Variants in B4GALNT2 observed in about 807,000 individuals in gnomAD.
The protein encoded by B4GALNT2 is N-acetylneuraminylgalactosylglucosyl-glucoside beta-1,4-N- acetylgalactosaminyltransferase 2.
B4GALNT2 carries 42 observed loss-of-function variants against 51.1 expected under a neutral mutation model. The observed-to-expected ratio is 0.82, with a 90% CI of 0.64 to 1.06. The LOEUF (loss-of-function observed/expected upper bound fraction) is 1.06. B4GALNT2 is among the 50% of genes least tolerant of loss of function. B4GALNT2 has a pLI of 0.00. For synonymous variants in B4GALNT2, 253 were observed against 251.7 expected (o/e 1.01, Z -0.05); for missense variants, 602 against 633.6 (o/e 0.95, Z 0.54).
In B4GALNT2 at chr17:49,166,141, A is replaced by G. The variant is rs760918438; in HGVS notation, c.982A>G (p.Ile328Val). The G allele has an allele frequency of 1.2e-6, 2 of 1,614,154 alleles. No individual in the cohort carries two copies. The highest frequency in any genetic ancestry group is 1.7e-6 in the Non-Finnish European group (2 of 1,179,986). ...KGWFAGRNLA[I>V]SQVTTKYVLW... Reference sequence around the variant, plus strand: ...TTGGTTTGCTGGTAGGAACCTGGCCATATCTCAGGTCACCACCAAATACGT... The same window carrying G: ...TTGGTTTGCTGGTAGGAACCTGGCCGTATCTCAGGTCACCACCAAATACGT... Residue 328 changes from isoleucine to valine, a missense_variant, in exon 9 of 11, where the codon ATA becomes GTA. By Grantham distance (29) the Ile-to-Val change is conservative. Coordinates refer to ENST00000393354, the MANE Select transcript of B4GALNT2 (RefSeq NM_001159387.2).
chr17:49,130,713 T>C (rs1211172549), upstream of B4GALNT2, among the ~76,000 whole-genome samples: 1 of 152,208 alleles, frequency 6.6e-6, no homozygotes, highest in Non-Finnish European at 1.5e-5. Context: ...CTTCTTATTG[T>C]TGCAGAAACC....
Position 49,171,350 on chromosome 17 carries a change from G to C in B4GALNT2, c.*1622G>C. 1.2e-5 allele frequency: 5 copies of C among 424,240 alleles called. No individual in the cohort carries two copies. The highest frequency in any genetic ancestry group is 8.6e-5 in the South Asian group (5 of 58,404). The allele number at this position is 424,240 out of a possible 1,614,324, so 26.3% of individuals were successfully genotyped here. A position where few individuals can be genotyped will look rare whatever the true frequency, so the allele number is the denominator to read the frequency against. ...TTAATGGGTTAATATCTGCTAATCT[G>C]TCTGCAGCTCCTTCAAGCACTCCAG... On this transcript the variant is annotated 3_prime_UTR_variant, in exon 11 of 11. Coordinates refer to ENST00000393354, the MANE Select transcript of B4GALNT2 (RefSeq NM_001159387.2).
chr17:49,136,098 G>GA (rs1438758379), intron 1 of B4GALNT2, among the ~76,000 whole-genome samples: 1 of 135,028 alleles, frequency 7.4e-6, no homozygotes, highest in Non-Finnish European at 1.6e-5. Flanking sequence ...AAAAAAAAAA[G>GA]AAAATCCTGT....
the B4GALNT2 span, among the ~76,000 whole-genome samples, chr17:49,125,051 C>A: frequency 2.0e-5 from 3 of 152,172 alleles, no homozygotes; most frequent in South Asian, 6.2e-4. Flanking sequence ...TCCTTATAAT[C>A]TTTTTACCAA....
chr17:49,143,416 A>G (rs943710485), intron 3 of B4GALNT2, among the ~76,000 whole-genome samples: 1 of 152,230 alleles, frequency 6.6e-6, no homozygotes, highest in Admixed American at 6.5e-5. Context: ...TAGGATGTCC[A>G]GGCTAGGAAA....
At chr17:49,135,224 G>C (rs1001129445) in intron 1 of B4GALNT2, among the ~76,000 whole-genome samples, 9 of 152,184 alleles carry the variant, frequency 5.9e-5, no homozygotes, top group Non-Finnish European at 1.3e-4. Context: ...TACACACACA[G>C]AGTATTTCTG....
chr17:49,169,596 G>T lies in B4GALNT2; in HGVS notation c.1389G>T (p.Arg463=), dbSNP rs1174062383. Residue 463 remains arginine, a synonymous_variant, in exon 11 of 11, where the codon CGG becomes CGT. Coordinates refer to ENST00000393354, the MANE Select transcript of B4GALNT2 (RefSeq NM_001159387.2). The part of the protein sequence containing the change: ...CPEVIIGHQS[R]SPVVDSELAA... The stretch of plus-strand genomic sequence containing the variant: ...AAGTGATTATAGGTCACCAGTCTCG[G>T]TCTCCAGTGGTGGACTCAGAACTGG... 1.2e-6 allele frequency: 2 copies of T among 1,613,158 alleles called. No homozygotes were observed. Among genetic ancestry groups the T allele is most frequent in the East Asian group, 2.2e-5 (1 of 44,876 alleles).
At chr17:49,131,086 T>G (rs528245315), upstream of B4GALNT2, among the ~76,000 whole-genome samples, 1 of 152,272 alleles carries the variant, frequency 6.6e-6, no homozygotes, top group Admixed American at 6.5e-5. Flanking sequence ...TCATGAAAGA[T>G]CTCATAGGCT....
Position 49,156,590 on chromosome 17 carries a change from C to A in B4GALNT2, c.485C>A (p.Ala162Asp), listed in dbSNP as rs560373909. The change falls in exon 5 of 11, where the codon GCC becomes GAC. Residue 162 changes from alanine to aspartate, a missense_variant. Ala to Asp is a moderately radical substitution (Grantham distance 126, BLOSUM62 -2). Transcript: ENST00000393354. ...GGCCTCCAGTTTGAAGGACCCGATG[C>A]CCCCGTCTATGAGGTGAGTCCTTCT... ...IPGLQFEGPD[A>D]PVYEVTLTAS... The A allele has an allele frequency of 6.2e-7, 1 of 1,613,724 alleles. No individual in the cohort carries two copies. Among genetic ancestry groups the A allele is most frequent in the Non-Finnish European group, 8.5e-7 (1 of 1,179,888 alleles).
At chr17:49,150,296 G>T (rs1241810718) in intron 3 of B4GALNT2, among the ~76,000 whole-genome samples, 2 of 18,384 alleles carry the variant, frequency 1.1e-4, no homozygotes, top group African/African-American at 2.4e-4. Flanking sequence ...GGAGGGAGGT[G>T]GGGGGGGTCA....
chr17:49,129,448 G>T (rs2042526515), upstream of B4GALNT2, among the ~76,000 whole-genome samples: 1 of 152,228 alleles, frequency 6.6e-6, no homozygotes, highest in Non-Finnish European at 1.5e-5. Flanking sequence ...AGTGGGATGA[G>T]CAGCTGCTGT....
intron 4 of B4GALNT2, among the ~76,000 whole-genome samples, chr17:49,153,751 C>A (rs879278981): frequency 4.0e-5 from 6 of 151,832 alleles, no homozygotes; most frequent in Non-Finnish European, 8.8e-5. Flanking sequence ...CAAGTGATCT[C>A]CTCACCTCGG....
In B4GALNT2 at chr17:49,176,232, A is replaced by C. The variant is rs1316140772; in HGVS notation, c.*6504A>C. The C allele has an allele frequency of 6.6e-6, 1 of 152,212 alleles. No homozygotes were observed. The highest frequency in any genetic ancestry group is 2.4e-5 in the African/African-American group (1 of 41,444). 9.4% of individuals were successfully genotyped at this position (152,212 alleles called of 1,614,324 possible). The stretch of plus-strand genomic sequence containing the variant: ...ACACCAGCTCGGTCTTGGAGACCCT[A>C]ACCCAGCGGCGCTAGAGGAATTAAA... On this transcript the variant is annotated 3_prime_UTR_variant, in exon 11 of 11. Transcript: ENST00000393354.
intron 3 of B4GALNT2, among the ~76,000 whole-genome samples, chr17:49,150,350 C>A (rs928118950): frequency 2.6e-5 from 4 of 151,876 alleles, no homozygotes; most frequent in African/African-American, 4.8e-5. Flanking sequence ...AGGTGAGGGG[C>A]GCCTCTGCCT....
intron 4 of B4GALNT2, among the ~76,000 whole-genome samples, chr17:49,154,737 G>C (rs139778062): frequency 1.6e-3 from 238 of 152,044 alleles, no homozygotes; most frequent in African/African-American, 5.3e-3. Context: ...TGAGACAGAG[G>C]GGGATGCAGG....
chr17:49,144,179 C>T (rs2042671154), intron 3 of B4GALNT2, among the ~76,000 whole-genome samples: 2 of 152,076 alleles, frequency 1.3e-5, no homozygotes, highest in Admixed American at 1.3e-4. Flanking sequence ...TAACAAAAAC[C>T]ACCAGTCCCA....
the B4GALNT2 span, among the ~76,000 whole-genome samples, chr17:49,125,474 A>G: frequency 6.6e-6 from 1 of 152,072 alleles, no homozygotes; most frequent in Non-Finnish European, 1.5e-5. Context: ...TTGGGATTTT[A>G]ATTATGCACT....
Position 49,141,221 on chromosome 17 carries a change from T to G in B4GALNT2, c.15-26T>G, listed in dbSNP as rs749954745. The G allele has an allele frequency of 5.6e-6, 9 of 1,596,164 alleles. No homozygotes were observed. The South Asian group carries it at 9.9e-5, about 18-fold the overall frequency. ...ATAATCAAGAAAAAAGATTTTAACA[T>G]AATCTGTTCTTTTGTGTCCCAACAG... is the stretch of plus-strand genomic sequence containing the variant. On this transcript the variant is annotated intron_variant, in intron 1 of 10. Transcript: ENST00000393354.
intron 9 of B4GALNT2, among the ~76,000 whole-genome samples, chr17:49,166,571 G>A (rs2042913566): frequency 6.6e-6 from 1 of 152,116 alleles, no homozygotes; most frequent in Non-Finnish European, 1.5e-5. Flanking sequence ...AAAGACAGGA[G>A]CATTCTGGTT....
Sources: allele counts gnomAD v4.1 joint callset (sites outside exome capture counted in the v4.1 genomes callset), GRCh38; gene constraint gnomAD v4.1.1; transcripts MANE v1.5; gene names NCBI Gene and HGNC (gene_info 2026-07-23, HGNC 2026-07-21).